The following LRP6 variants were observed in gnomAD, a reference collection of about 807,000 sequenced individuals.
LRP6 encodes the protein LDL receptor related protein 6, also known as low-density lipoprotein receptor-related protein 6.
In LRP6, 43 loss-of-function variants were observed where a neutral mutation model predicts 184.1. That is an observed-to-expected ratio of 0.23 (90% confidence interval 0.18 to 0.30). LRP6 has a LOEUF of 0.30. LRP6 is among the 10% of genes least tolerant of loss of function. The pLI, the probability that LRP6 is intolerant of heterozygous loss-of-function variation, is 1.00. For missense variants in LRP6, 1,571 were observed against 2,005.3 expected (o/e 0.78, Z 4.14); for synonymous variants, 719 against 684.9 (o/e 1.05, Z -0.78).
rs745688776 is a variant in LRP6 at position 12,150,877 on chromosome 12, G to A, written c.2953C>T (p.Arg985Ter). ...TGTGCCTTTCGGATCATGTTTTGTC[G>A]TGAGTCAATCCAATAGAGTTGCTTG... ...LDKQLYWIDS[R>*]QNMIRKAQED... Residue 985 changes from arginine to a stop codon, truncating the protein, a stop_gained, in exon 13 of 23, where the codon CGA (arginine) becomes TGA (stop). Transcript: ENST00000261349. LOFTEE classifies it high-confidence loss of function. 4 of 1,613,928 alleles carry A rather than the reference G, an allele frequency of 2.5e-6. No homozygotes were observed. In the African/African-American group the frequency reaches 4.0e-5, roughly 16 times the overall value.
intron 8 of LRP6, among the ~76,000 whole-genome samples, chr12:12,164,774 C>T (rs955115496): frequency 6.6e-6 from 1 of 151,792 alleles, no homozygotes; most frequent in African/African-American, 2.4e-5. Context: ...TTTAATACCA[C>T]AGTAAGCTTT....
At chr12:12,185,239 C>A (rs1863440401) in intron 4 of LRP6, among the ~76,000 whole-genome samples, 1 of 152,080 alleles carries the variant, frequency 6.6e-6, no homozygotes, top group South Asian at 2.1e-4. Flanking sequence ...TTCGAGGCTG[C>A]AGGGAGCCGT....
At position 12,170,827 on chromosome 12, in the gene LRP6, ACACAC is replaced by A. The variant is rs1863016277; in HGVS notation, c.1546-5537_1546-5533del. ...CACACACACACACACACACACACAC[ACACAC>A]GTCTTAGATGAAAAAAACTACTTTT... is the stretch of plus-strand genomic sequence containing the variant. On this transcript the variant is annotated intron_variant, in intron 7 of 22. Transcript: ENST00000261349. Among the ~76,000 whole-genome samples the A allele has an allele frequency of 2.1e-5, 3 of 144,588 alleles. No individual in the cohort carries two copies. The South Asian group carries it at 6.5e-4, about 31-fold the overall frequency. The allele number at this position is 144,588 out of a possible 152,430, so 94.9% of individuals were successfully genotyped here. A position where few individuals can be genotyped will look rare whatever the true frequency, so the allele number is the denominator to read the frequency against.
At chr12:12,248,349 T>C (rs188353354) in intron 1 of LRP6, among the ~76,000 whole-genome samples, 1 of 152,284 alleles carries the variant, frequency 6.6e-6, no homozygotes, top group East Asian at 1.9e-4. Flanking sequence ...TTGGTATATA[T>C]ACTTCACACT....
At chr12:12,171,302 G>A (rs2136965637) in intron 7 of LRP6, among the ~76,000 whole-genome samples, 1 of 152,158 alleles carries the variant, frequency 6.6e-6, no homozygotes, top group African/African-American at 2.4e-5. Context: ...GGATCACCAG[G>A]TCAGGAGATC....
chr12:12,241,538 G>C (rs781400369), intron 2 of LRP6, among the ~76,000 whole-genome samples: 4 of 152,044 alleles, frequency 2.6e-5, no homozygotes, highest in Non-Finnish European at 4.4e-5. Flanking sequence ...TTTGTTTCCA[G>C]TTGAGTCGTT....
At chr12:12,228,003 A>G (rs961239455) in intron 2 of LRP6, among the ~76,000 whole-genome samples, 1 of 152,184 alleles carries the variant, frequency 6.6e-6, no homozygotes, top group East Asian at 1.9e-4. Context: ...AGTGGTCAAT[A>G]AGACTGGTAC....
chr12:12,259,845 A>C (rs1865568626), intron 1 of LRP6, among the ~76,000 whole-genome samples: 1 of 152,202 alleles, frequency 6.6e-6, no homozygotes, highest in African/African-American at 2.4e-5. Flanking sequence ...AAACACCCTT[A>C]TCCGAAGTGA....
intron 1 of LRP6, among the ~76,000 whole-genome samples, chr12:12,251,175 C>T (rs544931123): frequency 5.9e-5 from 9 of 152,206 alleles, no homozygotes; most frequent in Admixed American, 5.9e-4. Context: ...TCAAGTGATT[C>T]GCCCACCTCG....
chr12:12,155,485 T>C, intron 12 of LRP6: 2 of 888,200 alleles, frequency 2.3e-6, no homozygotes, highest in Non-Finnish European at 3.8e-6. Flanking sequence ...TTGGCATTGT[T>C]GTAAACAAAA....
At chr12:12,203,780 C>A (rs1039335020) in intron 2 of LRP6, among the ~76,000 whole-genome samples, 1 of 152,040 alleles carries the variant, frequency 6.6e-6, no homozygotes, top group Non-Finnish European at 1.5e-5. Context: ...AACAAACAAA[C>A]AAACAAACAA....
At chr12:12,169,124 G>T (rs972703029) in intron 7 of LRP6, among the ~76,000 whole-genome samples, 11 of 152,048 alleles carry the variant, frequency 7.2e-5, no homozygotes, top group African/African-American at 2.7e-4. Context: ...AGCTACTTGG[G>T]AGGGTGAGGC....
intron 17 of LRP6, among the ~76,000 whole-genome samples, chr12:12,133,334 G>T (rs1292237354): frequency 6.6e-6 from 1 of 152,136 alleles, no homozygotes; most frequent in Non-Finnish European, 1.5e-5. Flanking sequence ...ATCATGGGGG[G>T]TAGATCCCTC....
chr12:12,213,563 G>A (rs1249703167), intron 2 of LRP6, among the ~76,000 whole-genome samples: 9 of 151,634 alleles, frequency 5.9e-5, no homozygotes, highest in Non-Finnish European at 1.0e-4. Flanking sequence ...TTGCTTTCAT[G>A]CTTAAAAAGC....
intron 7 of LRP6, among the ~76,000 whole-genome samples, chr12:12,175,640 G>A (rs1047515602): frequency 6.6e-5 from 10 of 151,636 alleles, no homozygotes; most frequent in Non-Finnish European, 1.3e-4. Context: ...GCAGTGAGCC[G>A]AGATCGCGCC....
chr12:12,181,241 G>A lies in LRP6; in HGVS notation c.1175C>T (p.Ser392Phe). ...RAIRRSFIDG[S>F]GSQFVVTAQI... Reference sequence around the variant, plus strand: ...AGCAGTGACCACAAACTGACTGCCAGATCCATCTATAAATGAACGGCGTAT... The same window carrying A: ...AGCAGTGACCACAAACTGACTGCCAAATCCATCTATAAATGAACGGCGTAT... Residue 392 changes from serine to phenylalanine, a missense_variant, in exon 6 of 23, where the codon TCT (serine) becomes TTT (phenylalanine). By Grantham distance (155) the Ser-to-Phe change is radical. Around this residue, in one of 4 missense-constraint regions of LRP6, gnomAD observed 640 missense variants for 851.9 expected, o/e 0.75. Transcript: ENST00000261349. The A allele has an allele frequency of 6.2e-7, 1 of 1,614,100 alleles. No individual in the cohort carries two copies. The highest frequency in any genetic ancestry group is 1.7e-4 in the Middle Eastern group (1 of 6,060).
chr12:12,179,337 C>G (rs1863275038), intron 7 of LRP6, among the ~76,000 whole-genome samples: 1 of 151,080 alleles, frequency 6.6e-6, no homozygotes, highest in Admixed American at 6.6e-5. Flanking sequence ...TACCATCTGC[C>G]CCAACACCAG....
At chr12:12,263,550 C>CAAAAAAA in intron 1 of LRP6, among the ~76,000 whole-genome samples, 1 of 135,928 alleles carries the variant, frequency 7.4e-6, no homozygotes, top group East Asian at 2.2e-4. Context: ...GAATCCGTCT[C>CAAAAAAA]AAAAAAAAAA....
intron 20 of LRP6, among the ~76,000 whole-genome samples, chr12:12,126,466 A>T (rs1390362921): frequency 6.6e-6 from 1 of 152,190 alleles, no homozygotes; most frequent in Non-Finnish European, 1.5e-5. Flanking sequence ...GAGCTTGCAT[A>T]TGTATTTGCT....
Sources: allele counts gnomAD v4.1 joint callset (sites outside exome capture counted in the v4.1 genomes callset), GRCh38; gene constraint gnomAD v4.1.1; regional missense constraint gnomAD v4.1.1; transcripts MANE v1.5; gene names NCBI Gene and HGNC (gene_info 2026-07-23, HGNC 2026-07-21).